Variants in PNPT1 observed in about 807,000 individuals in gnomAD.
PNPT1 encodes polyribonucleotide nucleotidyltransferase 1, mitochondrial.
In PNPT1, 53 loss-of-function variants were observed where a neutral mutation model predicts 119.5. The observed-to-expected ratio is 0.44, with a 90% confidence interval of 0.36 to 0.56. The LOEUF is 0.56. Among genes scored for constraint, PNPT1 ranks in the 20% least tolerant of loss-of-function variants. The probability of loss-of-function intolerance (pLI) is 0.00; values close to 1 mark genes in which losing one functional copy is unlikely to be tolerated. For missense variants in PNPT1, 948 were observed against 938.5 expected, an observed-to-expected ratio of 1.01 and a Z score of -0.13; for synonymous variants, 357 against 322.1, an observed-to-expected ratio of 1.11 and a Z score of -1.16.
At chr2:55,654,399 T>A (rs1696318292) in intron 18 of PNPT1, among the ~76,000 whole-genome samples, 1 of 152,250 alleles carries the variant, frequency 6.6e-6, no homozygotes, top group Non-Finnish European at 1.5e-5. Flanking sequence ...TTGGCTTGTA[T>A]AAATCGACTG....
At chr2:55,646,154 A>G in intron 21 of PNPT1, 105 bp downstream of exon 21, 1 of 1,137,730 alleles carries the variant, frequency 8.8e-7, no homozygotes, top group Non-Finnish European at 1.2e-6. Context: ...AGTTATATGA[A>G]ATTCCACTTT....
At position 55,645,390 on chromosome 2, in the gene PNPT1, G is replaced by A. The variant is rs773725937; in HGVS notation, c.1781C>T (p.Ser594Leu). ...EILQIMNKTI[S>L]KPRASRKENG... ...TTCTTTTCTAGATGCTCGAGGTTTT[G>A]AAATAGTTTTGTTCATGATCTGTAA... is the stretch of plus-strand genomic sequence containing the variant. The change falls in exon 22 of 28, where the codon TCA becomes TTA. Residue 594 changes from serine (S) to leucine (L), a missense_variant. By Grantham distance (145) the Ser-to-Leu change is moderately radical. Transcript: ENST00000447944. 6.2e-7 allele frequency: 1 copy of A among 1,612,458 alleles called. No homozygotes were observed. The highest frequency in any genetic ancestry group is 8.5e-7 in the Non-Finnish European group (1 of 1,178,782).
intron 1 of PNPT1, among the ~76,000 whole-genome samples, chr2:55,687,950 G>A (rs1180447353): frequency 1.3e-5 from 2 of 152,110 alleles, no homozygotes; most frequent in African/African-American, 2.4e-5. Context: ...TGGAGGTTCA[G>A]AAGTTAACTG....
chr2:55,688,691 G>C (rs12617719), intron 1 of PNPT1, among the ~76,000 whole-genome samples: 74,330 of 151,740 alleles, frequency 0.49, 18,813 homozygotes, highest in African/African-American at 0.63. Context: ...TGCCAATGCA[G>C]TCCAGCCTGG....
intron 11 of PNPT1, among the ~76,000 whole-genome samples, chr2:55,670,631 A>C (rs1387268941): frequency 6.6e-6 from 1 of 152,234 alleles, no homozygotes; most frequent in Non-Finnish European, 1.5e-5. Flanking sequence ...GCAGGCACAG[A>C]TGTAAATGAT....
intron 26 of PNPT1, 60 bp downstream of exon 26, chr2:55,640,567 T>C: frequency 7.3e-7 from 1 of 1,367,484 alleles, no homozygotes; most frequent in Non-Finnish European, 1.0e-6. Flanking sequence ...ACCTAGGTAA[T>C]TTCAATACAG....
chr2:55,669,428 C>T (rs1252953806), intron 11 of PNPT1, among the ~76,000 whole-genome samples: 1 of 152,062 alleles, frequency 6.6e-6, no homozygotes, highest in African/African-American at 2.4e-5. Context: ...AACCAAAACA[C>T]AAGAAATGGT....
At chr2:55,667,410 C>T (rs907329094) in intron 12 of PNPT1, among the ~76,000 whole-genome samples, 102 of 151,988 alleles carry the variant, frequency 6.7e-4, no homozygotes, top group African/African-American at 2.3e-3. Context: ...CTGGCTAACA[C>T]GGTGAAACCC....
At position 55,650,712 on chromosome 2, in the gene PNPT1, G is replaced by T. The variant is rs1275905434; in HGVS notation, c.1496-3259C>A. Among the ~76,000 whole-genome samples, 4 of 143,258 alleles carry T rather than the reference G, an allele frequency of 2.8e-5. No individual in the cohort carries two copies. In the South Asian group the frequency reaches 6.6e-4, roughly 24 times the overall value. The allele number at this position is 143,258 out of a possible 152,430, so 94.0% of individuals were successfully genotyped here. A position where few individuals can be genotyped will look rare whatever the true frequency, so the allele number is the denominator to read the frequency against. On this transcript the variant is annotated intron_variant, in intron 18 of 27. Transcript: ENST00000447944. ...CGGGATGTGAGGAGCGTCTCTGCCC[G>T]GCCGCCCCGTCTGAGAAGTGAGGAG... is the stretch of plus-strand genomic sequence containing the variant.
Position 55,671,378 on chromosome 2 carries a change from TA to T in PNPT1, c.919-3del. On this transcript the variant is annotated splice_polypyrimidine_tract_variant and splice_region_variant and intron_variant, in intron 10 of 27. Coordinates refer to ENST00000447944, the MANE Select transcript of PNPT1 (RefSeq NM_033109.5). ...GTTAACAGCTTCATCTCTGGAAACCTAAAAGAAAGTTGAGGTTCAGTTATTA... is the reference window on the plus strand; with the variant it reads ...GTTAACAGCTTCATCTCTGGAAACCTAAAGAAAGTTGAGGTTCAGTTATTA... 1 of 1,524,840 alleles carries T rather than the reference TA, an allele frequency of 6.6e-7. No individual in the cohort carries two copies. Among genetic ancestry groups the T allele is most frequent in the Non-Finnish European group, 8.8e-7 (1 of 1,132,224 alleles). 94.5% of individuals were successfully genotyped at this position (1,524,840 alleles called of 1,614,324 possible).
At chr2:55,674,492 C>CTGAG (rs1264143356) in intron 8 of PNPT1, among the ~76,000 whole-genome samples, 1 of 152,124 alleles carries the variant, frequency 6.6e-6, no homozygotes, top group East Asian at 1.9e-4. Context: ...ACTCAGGAGG[C>CTGAG]TGAGGCATGA....
chr2:55,677,681 G>A (rs1697120205), intron 8 of PNPT1, among the ~76,000 whole-genome samples: 1 of 150,302 alleles, frequency 6.7e-6, no homozygotes, highest in African/African-American at 2.4e-5. Context: ...AAACTCTAAG[G>A]TAGATAGTGG....
At chr2:55,656,056 T>C (rs1053888208) in intron 17 of PNPT1, 75 bp downstream of exon 17, 5 of 1,518,136 alleles carry the variant, frequency 3.3e-6, no homozygotes, top group Middle Eastern at 2.4e-4. Context: ...AAATGTAACA[T>C]TACATTTGAA....
At position 55,636,145 on chromosome 2, in the gene PNPT1, A is replaced by G; in HGVS notation, c.*92T>C. On this transcript the variant is annotated 3_prime_UTR_variant, in exon 28 of 28. Transcript: ENST00000447944. ...TAAAATGTATTTATATTATATAGAAATCTACACAATGGAAGATACTACTAA... is the reference window on the plus strand; with the variant it reads ...TAAAATGTATTTATATTATATAGAAGTCTACACAATGGAAGATACTACTAA... 1 of 867,596 alleles carries G rather than the reference A, an allele frequency of 1.2e-6. No homozygotes were observed. Among genetic ancestry groups the G allele is most frequent in the Non-Finnish European group, 1.6e-6 (1 of 607,564 alleles). The allele number at this position is 867,596 out of a possible 1,614,324, so 53.7% of individuals were successfully genotyped here.
At chr2:55,657,193 G>T (rs1696412520) in intron 15 of PNPT1, among the ~76,000 whole-genome samples, 1 of 151,904 alleles carries the variant, frequency 6.6e-6, no homozygotes, top group Non-Finnish European at 1.5e-5. Flanking sequence ...GCAGGGCGTG[G>T]TGGCGCATGC....
At chr2:55,676,045 G>A (rs1238206376) in intron 8 of PNPT1, among the ~76,000 whole-genome samples, 2 of 152,038 alleles carry the variant, frequency 1.3e-5, no homozygotes, top group East Asian at 3.9e-4. Context: ...TGGATCACCT[G>A]AGTTCAGGAG....
intron 13 of PNPT1, among the ~76,000 whole-genome samples, chr2:55,664,059 A>G (rs1389534459): frequency 6.6e-6 from 1 of 152,212 alleles, no homozygotes; most frequent in African/African-American, 2.4e-5. Flanking sequence ...TACTGGATCC[A>G]TACTTGGATC....
chr2:55,651,193 G>A (rs1311928035), intron 18 of PNPT1, among the ~76,000 whole-genome samples: 1 of 151,536 alleles, frequency 6.6e-6, no homozygotes, highest in Non-Finnish European at 1.5e-5. Flanking sequence ...CCGTCTGGGA[G>A]GTGAGGGGCG....
chr2:55,640,002 C>T (rs2104018227), intron 26 of PNPT1, among the ~76,000 whole-genome samples: 1 of 152,310 alleles, frequency 6.6e-6, no homozygotes, highest in Admixed American at 6.5e-5. Flanking sequence ...TCTTTATTCA[C>T]TGACTATAAT....
Sources: gnomAD v4.1 joint callset for allele counts (sites outside exome capture counted in the v4.1 genomes callset) on GRCh38, gnomAD v4.1.1 for gene constraint, MANE v1.5 for transcripts, NCBI Gene and HGNC (gene_info 2026-07-23, HGNC 2026-07-21) for gene names.